The following CPED1 variants were observed in gnomAD, a reference collection of about 807,000 sequenced individuals.
CPED1 encodes cadherin-like and PC-esterase domain-containing protein 1.
Under a neutral mutation model 128.2 loss-of-function variants are expected in CPED1, and 114 were observed. That is an observed-to-expected ratio of 0.89 (90% CI 0.76 to 1.04). CPED1 has a LOEUF of 1.04. Ranked by LOEUF, CPED1 falls within the 50% of genes least tolerant of loss-of-function variation. The pLI is 0.00. For missense variants in CPED1, 1,211 were observed against 1,207.1 expected (o/e 1.00, Z -0.05); for synonymous variants, 462 against 426.7 (o/e 1.08, Z -1.02).
intron 18 of CPED1, 68 bp from the exon 19 acceptor site, chr7:121,266,159 A>AT: frequency 8.0e-7 from 1 of 1,243,274 alleles, no homozygotes; most frequent in Non-Finnish European, 1.2e-6. Flanking sequence ...AAATTTCATT[A>AT]TTTTAAACTA....
At chr7:121,166,841 G>T (rs183542267) in intron 16 of CPED1, among the ~76,000 whole-genome samples, 74 of 152,238 alleles carry the variant, frequency 4.9e-4, no homozygotes, top group African/African-American at 1.7e-3. Flanking sequence ...ACTGTTAACA[G>T]ATCGTGAAAA....
chr7:121,128,782 G>A (rs1303632441), intron 11 of CPED1, among the ~76,000 whole-genome samples: 2 of 152,034 alleles, frequency 1.3e-5, no homozygotes, highest in Non-Finnish European at 2.9e-5. Flanking sequence ...TTCTGAAGAA[G>A]TTTTACTTTT....
intron 7 of CPED1, among the ~76,000 whole-genome samples, chr7:121,115,064 A>T (rs767352139): frequency 2.0e-5 from 3 of 152,188 alleles, no homozygotes; most frequent in Non-Finnish European, 4.4e-5. Context: ...CTTTATGAGC[A>T]GGGGACTGAC....
intron 4 of CPED1, among the ~76,000 whole-genome samples, chr7:121,058,642 T>C (rs940504163): frequency 1.3e-5 from 2 of 152,200 alleles, no homozygotes; most frequent in African/African-American, 4.8e-5. Flanking sequence ...ATTTCAACTT[T>C]ATGTTTTCTT....
intron 22 of CPED1, among the ~76,000 whole-genome samples, chr7:121,285,427 A>C (rs1423690893): frequency 6.6e-6 from 1 of 152,098 alleles, no homozygotes; most frequent in Non-Finnish European, 1.5e-5. Context: ...AGCTGGCTTA[A>C]ATTTCTCCCC....
At chr7:120,995,886 C>G (rs1796389365) in intron 2 of CPED1, among the ~76,000 whole-genome samples, 1 of 141,580 alleles carries the variant, frequency 7.1e-6, no homozygotes, top group African/African-American at 2.7e-5. Context: ...TCTTCTTCTT[C>G]TTCTTCTTCT....
chr7:121,113,600 T>A lies in CPED1; in HGVS notation c.919-10731T>A, dbSNP rs77827789. ...ATAAACTGCCTTATTTGGCCAGAATTTGAATGTCCTTAAGAGAAGGGAGAA... is the reference window on the plus strand; with the variant it reads ...ATAAACTGCCTTATTTGGCCAGAATATGAATGTCCTTAAGAGAAGGGAGAA... On this transcript the variant is annotated intron_variant, in intron 7 of 22. Coordinates refer to ENST00000310396, the MANE Select transcript of CPED1 (RefSeq NM_024913.5). Among the ~76,000 whole-genome samples the A allele has an allele frequency of 4.0e-3, 614 of 152,124 alleles. 1 individual carries two copies. Among genetic ancestry groups the A allele is most frequent in the African/African-American group, 0.014 (585 of 41,484 alleles).
chr7:121,156,921 G>A (rs1796299023), intron 16 of CPED1, among the ~76,000 whole-genome samples: 1 of 151,734 alleles, frequency 6.6e-6, no homozygotes, highest in Non-Finnish European at 1.5e-5. Flanking sequence ...AATGATGCTA[G>A]AAGTGCTCCC....
chr7:121,009,245 G>A (rs1412025167), intron 2 of CPED1, among the ~76,000 whole-genome samples: 1 of 152,012 alleles, frequency 6.6e-6, no homozygotes, highest in African/African-American at 2.4e-5. Context: ...TAGATAGAGG[G>A]TGGTTGGAGT....
chr7:121,279,070 A>G (rs1421391244), intron 22 of CPED1, among the ~76,000 whole-genome samples: 1 of 152,188 alleles, frequency 6.6e-6, no homozygotes, highest in South Asian at 2.1e-4. Flanking sequence ...TTAAGGTTTA[A>G]TGTTCTAATT....
At chr7:121,255,600 A>C (rs1276532481) in intron 18 of CPED1, among the ~76,000 whole-genome samples, 3 of 152,010 alleles carry the variant, frequency 2.0e-5, no homozygotes, top group Non-Finnish European at 4.4e-5. Context: ...ATGGCATCAA[A>C]ATAGGAAAAA....
At chr7:121,266,626 A>C (rs1412805203) in intron 19 of CPED1, 81 bp from the exon 20 acceptor site, 1 of 1,221,714 alleles carries the variant, frequency 8.2e-7, no homozygotes, top group African/African-American at 1.5e-5. Context: ...TGCCAGATAC[A>C]GTGAAATGTG....
At chr7:121,050,727 G>C (rs1473446588) in intron 4 of CPED1, 2 of 441,148 alleles carry the variant, frequency 4.5e-6, no homozygotes, top group African/African-American at 2.0e-5. Flanking sequence ...GCCTCCCAAA[G>C]TGCTGGGATT....
chr7:121,291,578 C>A (rs991213045), intron 22 of CPED1, among the ~76,000 whole-genome samples: 2 of 152,140 alleles, frequency 1.3e-5, no homozygotes, highest in Admixed American at 6.5e-5. Flanking sequence ...AATAGGAGTT[C>A]ACTCATGATT....
chr7:121,111,199 G>A (rs183463471), intron 7 of CPED1, among the ~76,000 whole-genome samples: 6 of 152,244 alleles, frequency 3.9e-5, no homozygotes, highest in Admixed American at 3.9e-4. Context: ...TGGTTGCTCT[G>A]TAACCTGACT....
At chr7:121,282,593 T>A (rs184712883) in intron 22 of CPED1, among the ~76,000 whole-genome samples, 19 of 152,216 alleles carry the variant, frequency 1.2e-4, no homozygotes. Context: ...ATATTTTGAA[T>A]CTCAGGGACT....
At chr7:121,286,224 T>C (rs180854359) in intron 22 of CPED1, among the ~76,000 whole-genome samples, 46 of 152,198 alleles carry the variant, frequency 3.0e-4, no homozygotes, top group Admixed American at 7.2e-4. Context: ...TGATTCAGTT[T>C]CCTCCCACCA....
intron 2 of CPED1, among the ~76,000 whole-genome samples, chr7:121,011,074 C>G (rs952776775): frequency 6.6e-6 from 1 of 151,902 alleles, no homozygotes; most frequent in African/African-American, 2.4e-5. Flanking sequence ...AAATCTGGAC[C>G]AGGAAGGCAA....
intron 2 of CPED1, among the ~76,000 whole-genome samples, chr7:120,992,463 G>A (rs1796324291): frequency 3.3e-5 from 5 of 151,996 alleles, no homozygotes; most frequent in Admixed American, 3.3e-4. Context: ...TCTTTGGGGG[G>A]AAAATTATAG....
Sources: gnomAD v4.1 joint callset for allele counts (sites outside exome capture counted in the v4.1 genomes callset) on GRCh38, gnomAD v4.1.1 for gene constraint, MANE v1.5 for transcripts, NCBI Gene and HGNC (gene_info 2026-07-23, HGNC 2026-07-21) for gene names.